The following KMT5B variants were observed in gnomAD, a reference collection of about 807,000 sequenced individuals.
KMT5B encodes histone-lysine N-methyltransferase KMT5B.
In KMT5B, 10 loss-of-function variants were observed where a neutral mutation model predicts 83.2. The ratio of observed to expected loss-of-function variants is 0.12; its 90% CI spans 0.07 to 0.20. The LOEUF is 0.20. Ranked by LOEUF, KMT5B falls within the 10% of genes least tolerant of loss-of-function variation. The pLI, the probability that KMT5B is intolerant of heterozygous loss-of-function variation, is 1.00. For missense variants in KMT5B, 753 were observed against 1,067.2 expected (o/e 0.71, Z 4.10); for synonymous variants, 349 against 388.8 (o/e 0.90, Z 1.20).
At chr11:68,200,367 G>A (rs888470323) in intron 1 of KMT5B, among the ~76,000 whole-genome samples, 2 of 152,206 alleles carry the variant, frequency 1.3e-5, no homozygotes, top group East Asian at 3.8e-4. Context: ...GACTATAGGT[G>A]CCCAGTAAGC....
intron 4 of KMT5B, among the ~76,000 whole-genome samples, chr11:68,175,719 C>T (rs1310311079): frequency 2.0e-5 from 3 of 152,134 alleles, no homozygotes; most frequent in Non-Finnish European, 4.4e-5. Context: ...CAAAAACATT[C>T]TTTATGTACA....
intron 3 of KMT5B, among the ~76,000 whole-genome samples, chr11:68,185,117 T>C (rs1420131043): frequency 1.3e-5 from 2 of 152,166 alleles, no homozygotes; most frequent in Non-Finnish European, 2.9e-5. Context: ...AAAAAAGGGA[T>C]GTACCCTACT....
chr11:68,208,333 G>A (rs770264783), intron 1 of KMT5B, among the ~76,000 whole-genome samples: 1 of 149,572 alleles, frequency 6.7e-6, no homozygotes, highest in Non-Finnish European at 1.5e-5. Flanking sequence ...TGTAATCCCA[G>A]CTACTCGGGA....
At chr11:68,175,692 C>T (rs1478162850) in intron 4 of KMT5B, among the ~76,000 whole-genome samples, 1 of 152,098 alleles carries the variant, frequency 6.6e-6, no homozygotes, top group Non-Finnish European at 1.5e-5. Flanking sequence ...ATGATGTAAA[C>T]AAAACCATGC....
chr11:68,212,775 C>G (rs1861089959), intron 1 of KMT5B: 1 of 152,234 alleles, frequency 6.6e-6, no homozygotes, highest in South Asian at 2.1e-4. Flanking sequence ...GCAGTGGGAG[C>G]AGATTGGGCG....
At chr11:68,198,440 GACAA>G (rs1565254833) in intron 1 of KMT5B, among the ~76,000 whole-genome samples, 4 of 1,054 alleles carry the variant, frequency 3.8e-3, no homozygotes, top group African/African-American at 9.3e-3. Context: ...AAGGAAAAAA[GACAA>G]GACAAGACAA....
Position 68,171,340 on chromosome 11 carries a change from A to G in KMT5B, c.821-89T>C, listed in dbSNP as rs764270961. On this transcript the variant is annotated intron_variant, in intron 7 of 10. Transcript: ENST00000304363. The surrounding 1 kb of genome is among the most constrained non-coding windows in gnomAD (Gnocchi z 5.1). ...TAGAAATCTGAAATAAGCTTTCCATATAACTTTACAACTTTTGATAGGAGT... is the reference window on the plus strand; with the variant it reads ...TAGAAATCTGAAATAAGCTTTCCATGTAACTTTACAACTTTTGATAGGAGT... The G allele has an allele frequency of 9.4e-6, 14 of 1,496,648 alleles. No homozygotes were observed. The highest frequency in any genetic ancestry group is 5.8e-5 in the Admixed American group (3 of 51,670). 92.7% of individuals were successfully genotyped at this position (1,496,648 alleles called of 1,614,324 possible). A position where few individuals can be genotyped will look rare whatever the true frequency, so the allele number is the denominator to read the frequency against.
In KMT5B at chr11:68,155,299, T is replaced by C. The variant is rs990534396; in HGVS notation, c.*2389A>G. On this transcript the variant is annotated 3_prime_UTR_variant, in exon 11 of 11. Transcript: ENST00000304363. Reference sequence around the variant, plus strand: ...CTACCTTTACCAACGGAAATTAGGTTTCCCTAGAAGGCATCAACAGTGGCT... The same window carrying C: ...CTACCTTTACCAACGGAAATTAGGTCTCCCTAGAAGGCATCAACAGTGGCT... The C allele has an allele frequency of 2.6e-5, 4 of 152,160 alleles. No homozygotes were observed. The highest frequency in any genetic ancestry group is 9.7e-5 in the African/African-American group (4 of 41,436). The allele number at this position is 152,160 out of a possible 1,614,324, so 9.4% of individuals were successfully genotyped here. A position where few individuals can be genotyped will look rare whatever the true frequency, so the allele number is the denominator to read the frequency against.
chr11:68,212,945 C>T (rs1194452343), intron 1 of KMT5B, among the ~76,000 whole-genome samples, 193 bp downstream of exon 1: 1 of 143,804 alleles, frequency 7.0e-6, no homozygotes, highest in African/African-American at 2.5e-5. Context: ...AGGCCCCGCG[C>T]CGGCCCCGCA....
chr11:68,205,983 C>T (rs1860058415), intron 1 of KMT5B, among the ~76,000 whole-genome samples: 1 of 152,202 alleles, frequency 6.6e-6, no homozygotes, highest in South Asian at 2.1e-4. Flanking sequence ...ATGTAAGAAA[C>T]TCCTAATTGC....
intron 10 of KMT5B, chr11:68,166,074 A>G (rs1855293810): frequency 6.5e-7 from 1 of 1,531,844 alleles, no homozygotes; most frequent in Non-Finnish European, 8.8e-7. Context: ...TTTAAGTGCC[A>G]ACAAAGGCAT....
chr11:68,198,452 CAAG>C (rs1858996305), intron 1 of KMT5B, among the ~76,000 whole-genome samples: 1 of 70,966 alleles, frequency 1.4e-5, no homozygotes, highest in African/African-American at 1.3e-4. Context: ...CAAGACAAGA[CAAG>C]ACAAGACAAG....
At chr11:68,195,651 T>G (rs1858611663) in intron 1 of KMT5B, among the ~76,000 whole-genome samples, 1 of 152,240 alleles carries the variant, frequency 6.6e-6, no homozygotes, top group African/African-American at 2.4e-5. Flanking sequence ...ACTGTAACTT[T>G]CCCTAAAATT....
intron 3 of KMT5B, among the ~76,000 whole-genome samples, chr11:68,182,290 A>G (rs1373222052): frequency 6.6e-6 from 1 of 152,158 alleles, no homozygotes; most frequent in African/African-American, 2.4e-5. Flanking sequence ...ATGTTTTAGG[A>G]CCTAGCTATT....
At chr11:68,168,005 C>G (rs1855480218) in intron 9 of KMT5B, among the ~76,000 whole-genome samples, 1 of 151,992 alleles carries the variant, frequency 6.6e-6, no homozygotes, top group Admixed American at 6.6e-5. Flanking sequence ...AACCCTGTCT[C>G]TACTAAAAAT....
chr11:68,209,890 G>A (rs989777423), intron 1 of KMT5B, among the ~76,000 whole-genome samples: 14 of 150,530 alleles, frequency 9.3e-5, no homozygotes, highest in Middle Eastern at 3.4e-3. Context: ...TTTAAGAGAC[G>A]GAGTCTTGCT....
intron 1 of KMT5B, among the ~76,000 whole-genome samples, chr11:68,198,750 GA>G (rs1021030806): frequency 2.6e-5 from 4 of 151,494 alleles, no homozygotes; most frequent in African/African-American, 9.7e-5. Context: ...TTTTTTTTGA[GA>G]CGGAGTCTCG....
In KMT5B at chr11:68,158,507, C is replaced by T. The variant is rs773367069; in HGVS notation, c.1839G>A (p.Lys613=). 2 of 1,614,082 alleles carry T rather than the reference C, an allele frequency of 1.2e-6. No homozygotes were observed. The highest frequency in any genetic ancestry group is 1.7e-6 in the Non-Finnish European group (2 of 1,180,022). The change falls in exon 11 of 11, where the codon AAG becomes AAA. Residue 613 remains lysine (K), a synonymous_variant. Transcript: ENST00000304363. ...GTTTCACAAGTTTTCCTTGTCGTGA[C>T]TTCTTTTTGGACATGCCTGTGTCAC... ...HKSDTGMSKK[K]SRQGKLVKQF...
intron 1 of KMT5B, among the ~76,000 whole-genome samples, chr11:68,206,937 G>A (rs1248431504): frequency 6.6e-6 from 1 of 152,120 alleles, no homozygotes; most frequent in African/African-American, 2.4e-5. Flanking sequence ...GCTGCAACAC[G>A]CATGATTAAA....
Sources: allele counts gnomAD v4.1 joint callset (sites outside exome capture counted in the v4.1 genomes callset), GRCh38; gene constraint gnomAD v4.1.1; non-coding constraint Gnocchi (gnomAD v3.1); transcripts MANE v1.5; gene names NCBI Gene and HGNC (gene_info 2026-07-23, HGNC 2026-07-21).